The following CSMD3 variants were observed in gnomAD, a reference collection of about 807,000 sequenced individuals.
The protein encoded by CSMD3 is CUB and sushi domain-containing protein 3.
In CSMD3, 177 loss-of-function variants were observed where a neutral mutation model predicts 435.2. That is an observed-to-expected ratio of 0.41 (90% CI 0.36 to 0.46). The LOEUF (loss-of-function observed/expected upper bound fraction) is 0.46, where lower values mean the gene tolerates loss of function less well. CSMD3 is among the 20% of genes least tolerant of loss of function. The pLI, the probability that CSMD3 is intolerant of heterozygous loss-of-function variation, is 0.34. For missense variants in CSMD3, 4,265 were observed against 4,504.6 expected (o/e 0.95, Z 1.52); for synonymous variants, 1,656 against 1,520.5 (o/e 1.09, Z -2.07).
chr8:112,989,309 C>T (rs757458492), intron 6 of CSMD3, among the ~76,000 whole-genome samples: 2 of 152,018 alleles, frequency 1.3e-5, no homozygotes, highest in Non-Finnish European at 2.9e-5. Flanking sequence ...TGACACAATA[C>T]TTCCTATCCA....
chr8:113,222,842 A>G (rs1479254466), intron 3 of CSMD3, among the ~76,000 whole-genome samples: 2 of 151,048 alleles, frequency 1.3e-5, no homozygotes, highest in African/African-American at 4.8e-5. Flanking sequence ...AGAAATTGGA[A>G]TTTTTGTTCG....
At chr8:113,423,393 A>G (rs2094618833) in intron 1 of CSMD3, among the ~76,000 whole-genome samples, 1 of 152,036 alleles carries the variant, frequency 6.6e-6, no homozygotes, top group African/African-American at 2.4e-5. Context: ...AAACAAGCTG[A>G]CTTGACAGCC....
chr8:113,188,348 T>G (rs1331290472), intron 3 of CSMD3, among the ~76,000 whole-genome samples: 1 of 152,006 alleles, frequency 6.6e-6, no homozygotes, highest in Non-Finnish European at 1.5e-5. Context: ...TTTATTTGGT[T>G]AAAGAATTGT....
At chr8:112,876,756 A>G (rs1324274573) in intron 10 of CSMD3, among the ~76,000 whole-genome samples, 1 of 152,170 alleles carries the variant, frequency 6.6e-6, no homozygotes, top group East Asian at 1.9e-4. Context: ...AGTTCTGGCC[A>G]GGGAAATCAG....
In CSMD3 at chr8:113,242,432, C is replaced by T. The variant is rs1028090218; in HGVS notation, c.514+36160G>A. ...TGACTTAAATGATAACACACAACTA[C>T]TCACAATAATAGACTAAAATTGTTG... On this transcript the variant is annotated intron_variant, in intron 3 of 70. Coordinates refer to ENST00000297405, the MANE Select transcript of CSMD3 (RefSeq NM_198123.2). Among the ~76,000 whole-genome samples the T allele has an allele frequency of 2.6e-5, 4 of 151,956 alleles. No individual in the cohort carries two copies. In the South Asian group the frequency reaches 8.3e-4, roughly 31 times the overall value.
At chr8:113,380,129 T>C (rs1382570635) in intron 1 of CSMD3, among the ~76,000 whole-genome samples, 1 of 152,212 alleles carries the variant, frequency 6.6e-6, no homozygotes, top group Admixed American at 6.5e-5. Context: ...TTTAACCAGC[T>C]ATAACATCCG....
At chr8:113,302,196 G>T (rs1216366194) in intron 2 of CSMD3, among the ~76,000 whole-genome samples, 2 of 140,414 alleles carry the variant, frequency 1.4e-5, no homozygotes, top group East Asian at 2.0e-4. Context: ...ATACTTTTGA[G>T]ATTTTATTTT....
chr8:112,370,011 GGAAGAAGAAGAGGAAGAAGAAGAA>G (rs1563852276), intron 38 of CSMD3, among the ~76,000 whole-genome samples: 3 of 39,088 alleles, frequency 7.7e-5, no homozygotes, highest in Non-Finnish European at 1.4e-4. Context: ...AAGAGGAAGA[GGAAGAAGAAGAGGAAGAAGAAGAA>G]GAAGAAGAAG....
intron 5 of CSMD3, among the ~76,000 whole-genome samples, chr8:113,082,218 G>A (rs1174098230): frequency 6.6e-6 from 1 of 152,046 alleles, no homozygotes; most frequent in East Asian, 1.9e-4. Context: ...CTGCTACCCA[G>A]GAGTGTGAGG....
At chr8:113,168,659 G>GC in intron 4 of CSMD3, among the ~76,000 whole-genome samples, 1 of 150,982 alleles carries the variant, frequency 6.6e-6, no homozygotes, top group East Asian at 2.0e-4. Context: ...TTTCATTTTG[G>GC]CGAAGTACAA....
At chr8:112,830,375 C>G (rs1433877302) in intron 11 of CSMD3, among the ~76,000 whole-genome samples, 1 of 152,084 alleles carries the variant, frequency 6.6e-6, no homozygotes, top group Non-Finnish European at 1.5e-5. Flanking sequence ...GAGCACAATA[C>G]TTTGAGAGGC....
At chr8:112,562,610 C>T (rs1326295605) in intron 24 of CSMD3, among the ~76,000 whole-genome samples, 2 of 150,722 alleles carry the variant, frequency 1.3e-5, no homozygotes, top group African/African-American at 4.9e-5. Flanking sequence ...TGATATAATG[C>T]AAGGAGACAT....
intron 1 of CSMD3, among the ~76,000 whole-genome samples, chr8:113,328,741 T>C (rs1186979597): frequency 7.3e-4 from 87 of 119,646 alleles, no homozygotes; most frequent in African/African-American, 2.2e-3. Context: ...TTTTCTTTTT[T>C]TTTTTTTTTT....
Position 112,832,879 on chromosome 8 carries a change from G to T in CSMD3, c.1756-3090C>A, listed in dbSNP as rs2079916808. ...TTCCTTTCATTTTTCCCTCCAATAT[G>T]AACATCCAGTTGTCTCAATACTTTT... On this transcript the variant is annotated intron_variant, in intron 11 of 70. Coordinates refer to ENST00000297405, the MANE Select transcript of CSMD3 (RefSeq NM_198123.2). Among the ~76,000 whole-genome samples the T allele has an allele frequency of 3.3e-5, 5 of 152,134 alleles. 1 individual carries two copies. In the South Asian group the frequency reaches 1.0e-3, roughly 32 times the overall value.
chr8:112,583,668 TGA>T (rs1830499607), intron 23 of CSMD3, among the ~76,000 whole-genome samples: 1 of 151,862 alleles, frequency 6.6e-6, no homozygotes, highest in Non-Finnish European at 1.5e-5. Flanking sequence ...ATCTAAAGTG[TGA>T]GTTTCCTATA....
At chr8:113,396,183 A>G (rs1336880295) in intron 1 of CSMD3, among the ~76,000 whole-genome samples, 1 of 152,216 alleles carries the variant, frequency 6.6e-6, no homozygotes, top group Non-Finnish European at 1.5e-5. Flanking sequence ...ATTTTGTAGC[A>G]AAATATGATT....
intron 2 of CSMD3, among the ~76,000 whole-genome samples, chr8:113,286,847 G>C (rs898182978): frequency 3.3e-5 from 5 of 151,894 alleles, no homozygotes; most frequent in South Asian, 2.1e-4. Context: ...TAATAAGATA[G>C]AAGCAAAATA....
chr8:113,166,983 C>T (rs1397173220), intron 4 of CSMD3, among the ~76,000 whole-genome samples: 1 of 151,750 alleles, frequency 6.6e-6, no homozygotes, highest in East Asian at 1.9e-4. Context: ...GTAAGACTTG[C>T]CCCTAGTATA....
chr8:113,219,560 G>A (rs1018614573), intron 3 of CSMD3, among the ~76,000 whole-genome samples: 1 of 151,268 alleles, frequency 6.6e-6, no homozygotes, highest in Admixed American at 6.6e-5. Flanking sequence ...GGACAAATGC[G>A]ATCTTTTTAA....
Sources: gnomAD v4.1 joint callset for allele counts (sites outside exome capture counted in the v4.1 genomes callset) on GRCh38, gnomAD v4.1.1 for gene constraint, MANE v1.5 for transcripts, NCBI Gene and HGNC (gene_info 2026-07-23, HGNC 2026-07-21) for gene names.